Variants in SYNE3 observed in about 807,000 individuals in gnomAD.
SYNE3 encodes the protein nesprin-3.
SYNE3 carries 100 observed loss-of-function variants against 111.2 expected under a neutral mutation model. That is an observed-to-expected ratio of 0.90 (90% CI 0.77 to 1.06). SYNE3 has a LOEUF of 1.06. Among genes scored for constraint, SYNE3 ranks in the 50% least tolerant of loss-of-function variants. The pLI is 0.00. For missense variants in SYNE3, 1,160 were observed against 1,240.3 expected, an observed-to-expected ratio of 0.94 and a Z score of 0.97; for synonymous variants, 547 against 533.9, an observed-to-expected ratio of 1.02 and a Z score of -0.34.
intron 4 of SYNE3, among the ~76,000 whole-genome samples, chr14:95,459,682 C>T (rs910787): frequency 0.068 from 10,363 of 152,174 alleles, 1,143 homozygotes; most frequent in African/African-American, 0.23. Context: ...AGCTCCTCAC[C>T]GAATCTAGAA....
intron 1 of SYNE3, among the ~76,000 whole-genome samples, chr14:95,494,279 G>A (rs1400564047): frequency 2.6e-5 from 4 of 152,346 alleles, no homozygotes; most frequent in South Asian, 4.1e-4. Flanking sequence ...AAATGCAGAG[G>A]CACAGAGCCT....
Position 95,487,828 on chromosome 14 carries a change from A to G in SYNE3, c.-14-11993T>C, listed in dbSNP as rs139387191. Among the ~76,000 whole-genome samples the G allele has an allele frequency of 7.8e-4, 119 of 152,248 alleles. 1 individual carries two copies. Among genetic ancestry groups the G allele is most frequent in the African/African-American group, 2.7e-3 (114 of 41,540 alleles). ...CACAGAAAATACAGGTGACCCCTGA[A>G]CAACACAGATTTGAACTGTGTGGGT... is the stretch of plus-strand genomic sequence containing the variant. On this transcript the variant is annotated intron_variant, in intron 1 of 17. Coordinates refer to ENST00000682763, the MANE Select transcript of SYNE3 (RefSeq NM_152592.6).
At chr14:95,472,103 G>T (rs1198549570) in intron 2 of SYNE3, among the ~76,000 whole-genome samples, 1 of 152,244 alleles carries the variant, frequency 6.6e-6, no homozygotes, top group African/African-American at 2.4e-5. Context: ...AAGGCTTTGT[G>T]GAGGAGGTGG....
At chr14:95,439,298 G>A in intron 13 of SYNE3, 136 bp from the exon 14 acceptor site, 1 of 1,312,596 alleles carries the variant, frequency 7.6e-7, no homozygotes, top group Admixed American at 1.8e-5. Flanking sequence ...ATGTTCCTGA[G>A]GCATGCTCAC....
chr14:95,455,384 C>T lies in SYNE3; in HGVS notation c.1130G>A (p.Arg377His), dbSNP rs772443180. ...TCGGCCAAGCACGCTTACCGAGTAGCGTCTCCAGTGTGCCACCAGCTCGTC... is the reference window on the plus strand; with the variant it reads ...TCGGCCAAGCACGCTTACCGAGTAGTGTCTCCAGTGTGCCACCAGCTCGTC... ...TEDELVAHWR[R>H]YSATRAALAS... The change falls in exon 6 of 18, where the codon CGC (arginine) becomes CAC (histidine). Residue 377 changes from arginine to histidine, a missense_variant. By Grantham distance (29) the Arg-to-His change is conservative. Transcript: ENST00000682763. The T allele has an allele frequency of 2.0e-5, 31 of 1,536,536 alleles. No individual in the cohort carries two copies. The highest frequency in any genetic ancestry group is 3.8e-5 in the South Asian group (3 of 78,904).
At chr14:95,478,485 C>T (rs941122135) in intron 1 of SYNE3, among the ~76,000 whole-genome samples, 5 of 152,174 alleles carry the variant, frequency 3.3e-5, no homozygotes, top group Non-Finnish European at 5.9e-5. Flanking sequence ...CTGGGTCCTC[C>T]CTTTTTCTGC....
In SYNE3 at chr14:95,452,231, T is replaced by G. The variant is rs376245973; in HGVS notation, c.1274+16A>C. On this transcript the variant is annotated intron_variant, in intron 7 of 17. Transcript: ENST00000682763. ...AGCACACCCTGAGTCCCACCACCCT[T>G]GGCCTTCCCAGATACCTCTGATACT... 1.5e-5 allele frequency: 23 copies of G among 1,580,958 alleles called. No individual in the cohort carries two copies. The highest frequency in any genetic ancestry group is 1.8e-5 in the Non-Finnish European group (21 of 1,157,152).
In SYNE3 at chr14:95,420,955, G is replaced by A. The variant is rs921660267; in HGVS notation, c.2728-2929C>T. ...CAGTGGGAGATAATTGAATCATGGG[G>A]GCAGTTTCCCTCATACTGTTCTCAT... On this transcript the variant is annotated intron_variant, in intron 17 of 17. Coordinates refer to ENST00000682763, the MANE Select transcript of SYNE3 (RefSeq NM_152592.6). Among the ~76,000 whole-genome samples, 9 of 152,188 alleles carry A rather than the reference G, an allele frequency of 5.9e-5. No homozygotes were observed. In the South Asian group the frequency reaches 6.2e-4, roughly 11 times the overall value.
chr14:95,465,740 G>A (rs1026644036), intron 4 of SYNE3, among the ~76,000 whole-genome samples, 191 bp downstream of exon 4: 1 of 152,070 alleles, frequency 6.6e-6, no homozygotes, highest in East Asian at 1.9e-4. Flanking sequence ...AGGTAGATGG[G>A]TGAGTAGGTA....
chr14:95,513,739 A>T (rs1219301788), intron 1 of SYNE3, among the ~76,000 whole-genome samples: 2 of 36,394 alleles, frequency 5.5e-5, no homozygotes, highest in South Asian at 6.4e-4. Flanking sequence ...TGCTTAGATT[A>T]TATATATATA....
chr14:95,487,785 A>G (rs903895087), intron 1 of SYNE3, among the ~76,000 whole-genome samples: 2 of 152,094 alleles, frequency 1.3e-5, no homozygotes, highest in East Asian at 3.9e-4. Context: ...AGTTTTGTAC[A>G]TGAATGGAAT....
chr14:95,475,638 C>T, intron 2 of SYNE3, 40 bp downstream of exon 2: 1 of 1,439,886 alleles, frequency 6.9e-7, no homozygotes, highest in Non-Finnish European at 9.1e-7. Context: ...TGGGATGGGG[C>T]CAAGACCACA....
Position 95,478,950 on chromosome 14 carries a change from G to A in SYNE3, c.-14-3115C>T, listed in dbSNP as rs1318211116. ...ACCCCACCGGCACATGTCTGGGAAA[G>A]AGTCAGCCATGAGGCCAGAAGGACC... On this transcript the variant is annotated intron_variant, in intron 1 of 17. Coordinates refer to ENST00000682763, the MANE Select transcript of SYNE3 (RefSeq NM_152592.6). Among the ~76,000 whole-genome samples, 6 of 152,112 alleles carry A rather than the reference G, an allele frequency of 3.9e-5. No individual in the cohort carries two copies. In the South Asian group the frequency reaches 1.2e-3, roughly 32 times the overall value.
chr14:95,448,224 A>C (rs772751501), intron 8 of SYNE3, among the ~76,000 whole-genome samples: 3 of 152,244 alleles, frequency 2.0e-5, no homozygotes, highest in East Asian at 1.9e-4. Context: ...TATAAAGGAC[A>C]GATTTGGGAT....
Position 95,439,911 on chromosome 14 carries a change from TACCTC to T in SYNE3, c.2071_2073+2del. ...GAAGTGGGTGAGGGAACCACCGCCT[TACCTC>T]AAACTCGGCCTCTTGGGACTCGGCA... On this transcript the variant is annotated splice_donor_variant and coding_sequence_variant, in exon 12 of 18. Coordinates refer to ENST00000682763, the MANE Select transcript of SYNE3 (RefSeq NM_152592.6). LOFTEE classifies it high-confidence loss of function. 1 of 1,611,006 alleles carries T rather than the reference TACCTC, an allele frequency of 6.2e-7. No homozygotes were observed. The highest frequency in any genetic ancestry group is 8.5e-7 in the Non-Finnish European group (1 of 1,178,290).
At chr14:95,421,959 T>A (rs1444860675) in intron 17 of SYNE3, among the ~76,000 whole-genome samples, 1 of 152,184 alleles carries the variant, frequency 6.6e-6, no homozygotes, top group East Asian at 1.9e-4. Flanking sequence ...CTCCCTGGCC[T>A]TACACATCCT....
At position 95,485,820 on chromosome 14, in the gene SYNE3, C is replaced by T. The variant is rs1382108022; in HGVS notation, c.-14-9985G>A. ...ATAAATATCTGTCCCCTCATCTCTC[C>T]TGCTCCTCACTTCACCTCCTTCGTG... On this transcript the variant is annotated intron_variant, in intron 1 of 17. Transcript: ENST00000682763. This position sits in a 1 kb window ranked among gnomAD's most constrained non-coding sequence, Gnocchi z 4.3. 6.6e-6 allele frequency among the ~76,000 whole-genome samples: 1 copy of T among 152,192 alleles called. No individual in the cohort carries two copies. Among genetic ancestry groups the T allele is most frequent in the Admixed American group, 6.5e-5 (1 of 15,290 alleles).
intron 1 of SYNE3, among the ~76,000 whole-genome samples, chr14:95,476,550 A>C (rs1888901741): frequency 6.6e-6 from 1 of 152,236 alleles, no homozygotes. Flanking sequence ...CTTTTGCTGG[A>C]CTGTCCATTT....
intron 2 of SYNE3, among the ~76,000 whole-genome samples, chr14:95,474,983 G>C (rs1595236993): frequency 6.6e-6 from 1 of 152,228 alleles, no homozygotes; most frequent in Non-Finnish European, 1.5e-5. Context: ...AGCCCAGAGT[G>C]GGGCAGGGAT....
Sources: gnomAD v4.1 joint callset for allele counts (sites outside exome capture counted in the v4.1 genomes callset) on GRCh38, gnomAD v4.1.1 for gene constraint, Gnocchi (gnomAD v3.1) non-coding constraint, MANE v1.5 for transcripts, NCBI Gene and HGNC (gene_info 2026-07-23, HGNC 2026-07-21) for gene names.